The following VAV2 variants were observed in gnomAD, a reference collection of about 807,000 sequenced individuals.
VAV2 encodes the protein vav guanine nucleotide exchange factor 2.
VAV2 carries 67 observed loss-of-function variants against 132.5 expected under a neutral mutation model. That is an observed-to-expected ratio of 0.51 (90% CI 0.42 to 0.62). The LOEUF is 0.62. Among genes scored for constraint, VAV2 ranks in the 20% least tolerant of loss-of-function variants. VAV2 has a pLI of 0.00. For missense variants in VAV2, 938 were observed against 1,153.6 expected (o/e 0.81, Z 2.71); for synonymous variants, 492 against 443.5 (o/e 1.11, Z -1.37).
chr9:133,938,781 C>A (rs1486430515), intron 2 of VAV2, among the ~76,000 whole-genome samples: 1 of 152,180 alleles, frequency 6.6e-6, no homozygotes, highest in African/African-American at 2.4e-5. Flanking sequence ...TGCTCAGCAT[C>A]CCCTGGCTAG....
chr9:133,948,253 C>T (rs1217853835), intron 1 of VAV2, among the ~76,000 whole-genome samples: 5 of 152,336 alleles, frequency 3.3e-5, no homozygotes, highest in Admixed American at 2.0e-4. Context: ...GAACTTCCTT[C>T]GCTCGGGCCC....
chr9:133,816,139 AAG>A (rs1342253774), intron 4 of VAV2, among the ~76,000 whole-genome samples: 6 of 152,140 alleles, frequency 3.9e-5, no homozygotes, highest in African/African-American at 1.4e-4. Context: ...TTCCTTTGTG[AAG>A]AGTCTGTTCA....
rs141502393 is a variant in VAV2 at position 133,799,053 on chromosome 9, G to A, written c.837-1244C>T. ...CCCGGCCTGGGGCTCGGGGCGGGCA[G>A]CTGGGCCTGTAGCCTGGCTTCTGCG... On this transcript the variant is annotated intron_variant, in intron 9 of 29. Coordinates refer to ENST00000371850, the MANE Select transcript of VAV2 (RefSeq NM_001134398.2). Among the ~76,000 whole-genome samples, 464 of 152,366 alleles carry A rather than the reference G, an allele frequency of 3.0e-3. 1 individual carries two copies. The highest frequency in any genetic ancestry group is 5.1e-3 in the Non-Finnish European group (346 of 68,034).
chr9:133,851,088 C>T (rs573111336), intron 3 of VAV2, among the ~76,000 whole-genome samples: 3 of 152,382 alleles, frequency 2.0e-5, no homozygotes, highest in East Asian at 3.9e-4. Context: ...CTTTCATGGA[C>T]AGTCATGCCC....
chr9:133,957,488 T>C (rs1385074308), intron 1 of VAV2, among the ~76,000 whole-genome samples: 2 of 152,176 alleles, frequency 1.3e-5, no homozygotes, highest in Non-Finnish European at 2.9e-5. Flanking sequence ...TATTGCGTCC[T>C]GGTGCCCCTT....
rs1835045361 is a variant in VAV2 at position 133,804,118 on chromosome 9, C to A, written c.836+1963G>T. On this transcript the variant is annotated intron_variant, in intron 9 of 29. Transcript: ENST00000371850. The surrounding 1 kb of genome is among the most constrained non-coding windows in gnomAD (Gnocchi z 4.5). ...GTGTCCTCAGTCCAGAGCTCAGGAG[C>A]CATACAGAGCAGGCACCCTATAAAA... Among the ~76,000 whole-genome samples the A allele has an allele frequency of 6.6e-6, 1 of 152,172 alleles. No individual in the cohort carries two copies. Among genetic ancestry groups the A allele is most frequent in the African/African-American group, 2.4e-5 (1 of 41,442 alleles).
chr9:133,956,257 A>G (rs2073884), intron 1 of VAV2, among the ~76,000 whole-genome samples: 99,855 of 151,852 alleles, frequency 0.66, 32,992 homozygotes, highest in East Asian at 0.79. Flanking sequence ...GATGATCTCC[A>G]GAGGTGCCAT....
rs907348091 is a variant in VAV2 at position 133,833,330 on chromosome 9, G to T, written c.449+942C>A. On this transcript the variant is annotated intron_variant, in intron 4 of 29. Coordinates refer to ENST00000371850, the MANE Select transcript of VAV2 (RefSeq NM_001134398.2). This position sits in a 1 kb window ranked among gnomAD's most constrained non-coding sequence, Gnocchi z 5.6. ...ATACACAGCAGGCACTCCCATACAC[G>T]CAGCTCCCCCTCTTACTCCTCTCCC... Among the ~76,000 whole-genome samples the T allele has an allele frequency of 6.6e-6, 1 of 152,146 alleles. No individual in the cohort carries two copies. Among genetic ancestry groups the T allele is most frequent in the South Asian group, 2.1e-4 (1 of 4,828 alleles).
chr9:133,773,948 T>C (rs569173323), intron 25 of VAV2, among the ~76,000 whole-genome samples: 3 of 152,222 alleles, frequency 2.0e-5, no homozygotes, highest in Admixed American at 1.3e-4. Flanking sequence ...GGCTGCGCTA[T>C]GATGTCACCA....
At chr9:133,776,688 C>T (rs1833825521) in intron 23 of VAV2, among the ~76,000 whole-genome samples, 1 of 152,182 alleles carries the variant, frequency 6.6e-6, no homozygotes, top group African/African-American at 2.4e-5. Context: ...CCGCCTGGTC[C>T]CCTTGGTCAC....
intron 19 of VAV2, 93 bp from the exon 20 acceptor site, chr9:133,780,803 G>C (rs1490109366): frequency 2.4e-6 from 3 of 1,234,466 alleles, no homozygotes. Context: ...CCTCTGGGCC[G>C]AGCTTAAGAT....
intron 2 of VAV2, among the ~76,000 whole-genome samples, chr9:133,878,221 G>A (rs141639507): frequency 7.2e-4 from 109 of 152,332 alleles, no homozygotes; most frequent in Non-Finnish European, 1.4e-3. Flanking sequence ...GGCAGCCAGG[G>A]GAGGCTCAGA....
At chr9:133,783,726 C>T (rs1834100899) in intron 18 of VAV2, 135 bp from the exon 19 acceptor site, 1 of 752,990 alleles carries the variant, frequency 1.3e-6, no homozygotes, top group African/African-American at 1.7e-5. Flanking sequence ...CCTCATAGCC[C>T]TGAGTATCCA....
At chr9:133,983,359 G>A (rs1439781540) in intron 1 of VAV2, among the ~76,000 whole-genome samples, 3 of 152,166 alleles carry the variant, frequency 2.0e-5, no homozygotes, top group Admixed American at 6.5e-5. Context: ...ATTTCCTCCA[G>A]GAGGAGACAT....
intron 1 of VAV2, among the ~76,000 whole-genome samples, chr9:133,960,084 T>G (rs1841917826): frequency 6.6e-6 from 1 of 152,166 alleles, no homozygotes; most frequent in Non-Finnish European, 1.5e-5. Flanking sequence ...GGCATCCTCT[T>G]TGCCATCGCC....
intron 3 of VAV2, among the ~76,000 whole-genome samples, chr9:133,850,612 G>GAA (rs1034777652): frequency 6.6e-6 from 1 of 152,226 alleles, no homozygotes; most frequent in Non-Finnish European, 1.5e-5. Context: ...GGGAGGGAAT[G>GAA]AAAGATCCTT....
chr9:133,959,651 G>C (rs893024219), intron 1 of VAV2, among the ~76,000 whole-genome samples: 2 of 152,228 alleles, frequency 1.3e-5, no homozygotes, highest in Non-Finnish European at 2.9e-5. Context: ...AACGTGACCT[G>C]ATTTAGGAAA....
rs1258166200 is a variant in VAV2, at chr9:133,794,423, A to G, written c.1101+1245T>C. On this transcript the variant is annotated intron_variant, in intron 12 of 29. Transcript: ENST00000371850. The surrounding 1 kb of genome is among the most constrained non-coding windows in gnomAD (Gnocchi z 4.6). ...ACGAGTGCCCACAGGATTTGGAGTA[A>G]ATTTCTCCCCGAGCACAAGCCCTGC... Among the ~76,000 whole-genome samples the G allele has an allele frequency of 1.3e-5, 2 of 152,100 alleles. No homozygotes were observed. Among genetic ancestry groups the G allele is most frequent in the Non-Finnish European group, 2.9e-5 (2 of 68,016 alleles).
chr9:133,985,424 G>A (rs928609289), intron 1 of VAV2, among the ~76,000 whole-genome samples: 1 of 152,180 alleles, frequency 6.6e-6, no homozygotes, highest in Admixed American at 6.5e-5. Flanking sequence ...TGGAACTACA[G>A]GCGTGTGCCA....
Sources: allele counts gnomAD v4.1 joint callset (sites outside exome capture counted in the v4.1 genomes callset), GRCh38; gene constraint gnomAD v4.1.1; non-coding constraint Gnocchi (gnomAD v3.1); transcripts MANE v1.5; gene names NCBI Gene and HGNC (gene_info 2026-07-23, HGNC 2026-07-21).